CLPTM1: variants seen among roughly 807,000 people sequenced by gnomAD.
The protein encoded by CLPTM1 is CLPTM1 regulator of GABA type A receptor forward trafficking.
CLPTM1 carries 21 observed loss-of-function variants against 77.3 expected under a neutral mutation model. The observed-to-expected ratio is 0.27, with a 90% CI of 0.19 to 0.39. The LOEUF (loss-of-function observed/expected upper bound fraction) is 0.39. CLPTM1 is among the 10% of genes least tolerant of loss of function. CLPTM1 has a pLI of 1.00. For missense variants in CLPTM1, 642 were observed against 921.2 expected (o/e 0.70, Z 3.92); for synonymous variants, 373 against 381.0 (o/e 0.98, Z 0.24).
At chr19:44,973,005 G>A (rs1469791696) in intron 2 of CLPTM1, 82 bp from the exon 3 acceptor site, 2 of 1,568,882 alleles carry the variant, frequency 1.3e-6, no homozygotes, top group African/African-American at 1.4e-5. Flanking sequence ...GCCAGCATGT[G>A]CTAAGTCAGA....
intron 5 of CLPTM1, among the ~76,000 whole-genome samples, chr19:44,983,617 CAAAAAAAAAAAAAAAA>C (rs35582067): frequency 7.5e-5 from 3 of 39,788 alleles, no homozygotes; most frequent in African/African-American, 4.0e-4. Context: ...GACTCTGTCT[CAAAAAAAAAAAAAAAA>C]AAAAAAAAAA....
chr19:44,969,483 A>T (rs1229301904), intron 2 of CLPTM1, among the ~76,000 whole-genome samples: 2 of 152,122 alleles, frequency 1.3e-5, no homozygotes, highest in Non-Finnish European at 2.9e-5. Context: ...TTTCTCTCTG[A>T]TATACCAGTC....
chr19:44,986,326 C>T (rs969207635), intron 6 of CLPTM1, 129 bp from the exon 7 acceptor site: 46 of 1,225,972 alleles, frequency 3.8e-5, no homozygotes, highest in Non-Finnish European at 5.0e-5. Flanking sequence ...TAGTGAGACC[C>T]CATCTCAGAA....
intron 4 of CLPTM1, 49 bp from the exon 5 acceptor site, chr19:44,977,294 C>T: frequency 7.2e-7 from 1 of 1,392,170 alleles, no homozygotes; most frequent in Non-Finnish European, 1.0e-6. Context: ...TTAACGTTTC[C>T]CTCACCCCAG....
At chr19:44,962,584 C>A (rs1735395921) in intron 2 of CLPTM1, among the ~76,000 whole-genome samples, 2 of 152,064 alleles carry the variant, frequency 1.3e-5, no homozygotes, top group Non-Finnish European at 2.9e-5. Context: ...GGACACTAGT[C>A]ATACTGGCTT....
At position 44,993,177 on chromosome 19, in the gene CLPTM1, C is replaced by T. The variant is rs372658921; in HGVS notation, c.*280C>T. ...CATGGTGAAGCTGATGCAGCGTTGC[C>T]GAGGGGGTGGGTTGGGCGGGGGTGG... is the stretch of plus-strand genomic sequence containing the variant. On this transcript the variant is annotated 3_prime_UTR_variant, in exon 14 of 14. Coordinates refer to ENST00000337392, the MANE Select transcript of CLPTM1 (RefSeq NM_001294.4). The T allele has an allele frequency of 2.1e-3, 401 of 189,156 alleles. No homozygotes were observed. Among genetic ancestry groups the T allele is most frequent in the African/African-American group, 0.016 (364 of 22,758 alleles). 11.7% of individuals were successfully genotyped at this position (189,156 alleles called of 1,614,324 possible).
chr19:44,983,572 C>G (rs1400324014), intron 5 of CLPTM1, among the ~76,000 whole-genome samples: 1 of 113,420 alleles, frequency 8.8e-6, no homozygotes, highest in Non-Finnish European at 1.7e-5. Context: ...GAGCCAAGAT[C>G]ACACCACTGC....
At chr19:44,970,873 C>A (rs1970706973) in intron 2 of CLPTM1, among the ~76,000 whole-genome samples, 1 of 143,540 alleles carries the variant, frequency 7.0e-6, no homozygotes, top group Admixed American at 6.8e-5. Context: ...TCTTGTTGCC[C>A]AGGCTGGAGT....
upstream of CLPTM1, chr19:44,954,942 G>A (rs533430068): frequency 2.0e-6 from 3 of 1,524,098 alleles, no homozygotes; most frequent in East Asian, 2.4e-5. Context: ...ACGGTGGCCA[G>A]AAAGGTTCCT....
chr19:44,963,981 T>TA (rs1209700690), intron 2 of CLPTM1, among the ~76,000 whole-genome samples: 1 of 151,574 alleles, frequency 6.6e-6, no homozygotes, highest in Non-Finnish European at 1.5e-5. Context: ...TTGACCAGGC[T>TA]GGTCTCGAAC....
At chr19:44,955,491 AG>A (rs1970447784) in intron 1 of CLPTM1, 24 bp downstream of exon 1, 2 of 1,280,660 alleles carry the variant, frequency 1.6e-6, no homozygotes. Flanking sequence ...GAGGGGACTG[AG>A]GGGGTTCTTC....
In CLPTM1 at chr19:44,990,561, G is replaced by A. The variant is rs770139263; in HGVS notation, c.1299G>A (p.Lys433=). The change falls in exon 10 of 14, where the codon AAG becomes AAA. Residue 433 remains lysine, a synonymous_variant. Coordinates refer to ENST00000337392, the MANE Select transcript of CLPTM1 (RefSeq NM_001294.4). This position sits in a 1 kb window ranked among gnomAD's most constrained non-coding sequence, Gnocchi z 4.8. ...VFIGVLIDLW[K]ITKVMDVRLD... is the part of the protein sequence containing the mutation. ...TTGGGGTCCTCATCGACCTCTGGAA[G>A]ATCACCAAGGTCATGGACGTCCGGG... is the stretch of plus-strand genomic sequence containing the variant. 6.2e-7 allele frequency: 1 copy of A among 1,613,920 alleles called. No individual in the cohort carries two copies. Among genetic ancestry groups the A allele is most frequent in the African/African-American group, 1.3e-5 (1 of 74,920 alleles).
intron 5 of CLPTM1, among the ~76,000 whole-genome samples, chr19:44,983,060 C>CAA (rs36001989): frequency 2.4e-3 from 265 of 111,856 alleles, no homozygotes; most frequent in South Asian, 0.015. Flanking sequence ...GACTCCATCT[C>CAA]AAAAAAAAAA....
At chr19:44,988,256 C>A in intron 9 of CLPTM1, 83 bp downstream of exon 9, 1 of 991,592 alleles carries the variant, frequency 1.0e-6, no homozygotes, top group Non-Finnish European at 1.6e-6. Context: ...CCTCCCTCCC[C>A]ACATGTCCTC....
At chr19:44,962,980 G>A (rs1230112318) in intron 2 of CLPTM1, among the ~76,000 whole-genome samples, 7 of 151,356 alleles carry the variant, frequency 4.6e-5, no homozygotes, top group African/African-American at 1.2e-4. Flanking sequence ...AGCTGAGATC[G>A]CGCTACTGCA....
Position 44,955,471 on chromosome 19 carries a change from C to T in CLPTM1, c.72+4C>T, listed in dbSNP as rs1172646954. The T allele has an allele frequency of 6.1e-6, 8 of 1,315,870 alleles. No homozygotes were observed. In the South Asian group the frequency reaches 1.8e-4, roughly 29 times the overall value. 81.5% of individuals were successfully genotyped at this position (1,315,870 alleles called of 1,614,324 possible). The stretch of plus-strand genomic sequence containing the variant: ...CGGGGGAGGCAGCTCCGGTCAGGTA[C>T]GGAGGCCGAGAGGGGACTGAGGGGG... On this transcript the variant is annotated splice_donor_region_variant and intron_variant, in intron 1 of 13. Coordinates refer to ENST00000337392, the MANE Select transcript of CLPTM1 (RefSeq NM_001294.4).
At chr19:44,978,756 C>T (rs892398151) in intron 5 of CLPTM1, among the ~76,000 whole-genome samples, 2 of 152,054 alleles carry the variant, frequency 1.3e-5, no homozygotes, top group African/African-American at 2.4e-5. Context: ...CCTCATGACC[C>T]AGTCACCTCT....
At chr19:44,955,714 G>C (rs1600001649) in intron 1 of CLPTM1, 1 of 381,862 alleles carries the variant, frequency 2.6e-6, no homozygotes, top group Non-Finnish European at 4.6e-6. Context: ...TGCTCGATCC[G>C]GGGAGACAGT....
intron 5 of CLPTM1, among the ~76,000 whole-genome samples, chr19:44,979,399 ATTC>A (rs1187361239): frequency 6.6e-6 from 1 of 151,990 alleles, no homozygotes; most frequent in African/African-American, 2.4e-5. Context: ...AAAGCCCCCC[ATTC>A]TTCTAACGGG....
Sources: allele counts gnomAD v4.1 joint callset (sites outside exome capture counted in the v4.1 genomes callset), GRCh38; gene constraint gnomAD v4.1.1; non-coding constraint Gnocchi (gnomAD v3.1); transcripts MANE v1.5; gene names NCBI Gene and HGNC (gene_info 2026-07-23, HGNC 2026-07-21).